Variants in ASPH observed in about 807,000 individuals in gnomAD.
The protein encoded by ASPH is aspartyl/asparaginyl beta-hydroxylase.
Under a neutral mutation model 118.4 loss-of-function variants are expected in ASPH, and 100 were observed. That is an observed-to-expected ratio of 0.84 (90% CI 0.72 to 1.00). The LOEUF is 1.00. ASPH is among the 50% of genes least tolerant of loss of function. The pLI is 0.00. For synonymous variants in ASPH, 315 were observed against 325.6 expected (o/e 0.97, Z 0.35); for missense variants, 920 against 919.5 (o/e 1.00, Z -0.01).
At chr8:61,515,877 T>C (rs1014591336) in intron 24 of ASPH, among the ~76,000 whole-genome samples, 1 of 152,166 alleles carries the variant, frequency 6.6e-6, no homozygotes, top group Non-Finnish European at 1.5e-5. Context: ...AGCATCCCAA[T>C]TCCAGCTCTG....
chr8:61,618,392 T>C (rs1849759084), intron 14 of ASPH, among the ~76,000 whole-genome samples: 1 of 152,218 alleles, frequency 6.6e-6, no homozygotes, highest in South Asian at 2.1e-4. Flanking sequence ...TTTAACTCTT[T>C]GTAATAAACT....
At chr8:61,622,514 C>A (rs1381600142) in intron 13 of ASPH, among the ~76,000 whole-genome samples, 1 of 152,208 alleles carries the variant, frequency 6.6e-6, no homozygotes, top group East Asian at 1.9e-4. Context: ...TCTTTCCCTG[C>A]ACCAGGACAT....
chr8:61,563,027 T>C (rs1437572964), intron 17 of ASPH, 147 bp from the exon 18 acceptor site: 4 of 670,756 alleles, frequency 6.0e-6, no homozygotes, highest in East Asian at 3.1e-5. Flanking sequence ...AAGTACCTAG[T>C]AGGATTTCAT....
intron 14 of ASPH, among the ~76,000 whole-genome samples, chr8:61,588,772 AG>A (rs1275074916): frequency 6.6e-6 from 1 of 152,248 alleles, no homozygotes; most frequent in Non-Finnish European, 1.5e-5. Context: ...TACGGACCCA[AG>A]AAAAATGAAA....
intron 21 of ASPH, among the ~76,000 whole-genome samples, chr8:61,528,696 T>C (rs1487662080): frequency 6.6e-6 from 1 of 152,234 alleles, no homozygotes. Context: ...AAGAATAGAC[T>C]ATCTTTTATA....
chr8:61,646,335 T>C (rs1807969445), intron 6 of ASPH, among the ~76,000 whole-genome samples: 1 of 152,174 alleles, frequency 6.6e-6, no homozygotes, highest in African/African-American at 2.4e-5. Context: ...AAAAAAAGTT[T>C]GCCAATGCCT....
chr8:61,542,825 G>C (rs1368733136), intron 21 of ASPH, among the ~76,000 whole-genome samples: 1 of 151,962 alleles, frequency 6.6e-6, no homozygotes, highest in Non-Finnish European at 1.5e-5. Flanking sequence ...TATATATCTG[G>C]AAATGTCTTA....
intron 5 of ASPH, among the ~76,000 whole-genome samples, chr8:61,650,728 G>A (rs780126982): frequency 2.6e-5 from 4 of 152,136 alleles, no homozygotes; most frequent in South Asian, 2.1e-4. Flanking sequence ...GAACCCGACC[G>A]TGGGCCTGTG....
intron 3 of ASPH, chr8:61,664,506 G>C: frequency 1.0e-6 from 1 of 984,934 alleles, no homozygotes; most frequent in Non-Finnish European, 1.2e-6. Context: ...AGTGTATGTG[G>C]CACATGGTAA....
chr8:61,566,477 A>G (rs567789303), intron 17 of ASPH, among the ~76,000 whole-genome samples: 1 of 152,324 alleles, frequency 6.6e-6, no homozygotes, highest in African/African-American at 2.4e-5. Context: ...GCAACAAAGG[A>G]TTTAGAATAT....
rs184950070 is a variant in ASPH at position 61,663,989 on chromosome 8, T to C, written c.323-10329A>G. The C allele has an allele frequency of 6.5e-5, 56 of 865,128 alleles. No homozygotes were observed. In the African/African-American group the frequency reaches 9.3e-4, roughly 14 times the overall value. The allele number at this position is 865,128 out of a possible 1,614,324, so 53.6% of individuals were successfully genotyped here. On this transcript the variant is annotated intron_variant, in intron 3 of 24. Coordinates refer to ENST00000379454, the MANE Select transcript of ASPH (RefSeq NM_004318.4). Reference sequence around the variant, plus strand: ...ATCTTCATAAAAAAGTAAATAAATATGTTTTAAAAAATAAAATCTTAGTGG... The same window carrying C: ...ATCTTCATAAAAAAGTAAATAAATACGTTTTAAAAAATAAAATCTTAGTGG...
intron 3 of ASPH, among the ~76,000 whole-genome samples, chr8:61,666,656 G>C (rs1173391052): frequency 1.3e-5 from 2 of 152,050 alleles, no homozygotes; most frequent in Non-Finnish European, 2.9e-5. Context: ...ATAAAATCTT[G>C]ATTAACAAAC....
intron 3 of ASPH, among the ~76,000 whole-genome samples, chr8:61,677,444 T>C (rs1274591515): frequency 6.6e-6 from 1 of 152,110 alleles, no homozygotes; most frequent in African/African-American, 2.4e-5. Flanking sequence ...ATTCAGTCAT[T>C]TAAGGCTTTG....
intron 18 of ASPH, 134 bp downstream of exon 18, chr8:61,562,610 A>G (rs763820240): frequency 8.7e-6 from 8 of 919,774 alleles, no homozygotes; most frequent in Non-Finnish European, 1.2e-5. Flanking sequence ...CATAGTTTAG[A>G]ATATGTTAAC....
intron 17 of ASPH, among the ~76,000 whole-genome samples, chr8:61,563,469 T>A (rs1213512664): frequency 6.6e-6 from 1 of 152,020 alleles, no homozygotes. Context: ...CACGCATGAA[T>A]CATGAAAAAA....
intron 3 of ASPH, among the ~76,000 whole-genome samples, chr8:61,680,370 T>C (rs1026176389): frequency 6.6e-6 from 1 of 151,846 alleles, no homozygotes; most frequent in African/African-American, 2.4e-5. Context: ...AATAAGGGAA[T>C]ACCACATTGT....
chr8:61,678,702 T>C (rs1826492197), intron 3 of ASPH, among the ~76,000 whole-genome samples: 1 of 152,128 alleles, frequency 6.6e-6, no homozygotes, highest in South Asian at 2.1e-4. Context: ...ATCTTAATTA[T>C]TACTATACCT....
At chr8:61,659,233 A>G (rs925521149) in intron 3 of ASPH, 1 of 152,202 alleles carries the variant, frequency 6.6e-6, no homozygotes, top group Admixed American at 6.5e-5. Context: ...AGCCACCTCA[A>G]TCTCTTGTAT....
intron 24 of ASPH, among the ~76,000 whole-genome samples, chr8:61,511,752 AG>A (rs1808904131): frequency 6.6e-6 from 1 of 152,146 alleles, no homozygotes; most frequent in Admixed American, 6.5e-5. Context: ...TACAGGCATT[AG>A]CCACCATGCC....
Sources: allele counts gnomAD v4.1 joint callset (sites outside exome capture counted in the v4.1 genomes callset), GRCh38; gene constraint gnomAD v4.1.1; transcripts MANE v1.5; gene names NCBI Gene and HGNC (gene_info 2026-07-23, HGNC 2026-07-21).